WDFY4: variants seen among roughly 807,000 people sequenced by gnomAD.
WDFY4 encodes the protein WDFY family member 4, also known as WD repeat- and FYVE domain-containing protein 4.
WDFY4 carries 169 observed loss-of-function variants against 351.9 expected under a neutral mutation model. The observed-to-expected ratio is 0.48, with a 90% confidence interval of 0.42 to 0.55. The LOEUF (loss-of-function observed/expected upper bound fraction) is 0.55, where lower values mean the gene tolerates loss of function less well. WDFY4 is among the 20% of genes least tolerant of loss of function. WDFY4 has a pLI of 0.00. For synonymous variants in WDFY4, 1,622 were observed against 1,574.6 expected (o/e 1.03, Z -0.71); for missense variants, 3,803 against 3,935.6 (o/e 0.97, Z 0.90).
chr10:48,926,252 A>G (rs537041733), intron 47 of WDFY4, among the ~76,000 whole-genome samples: 4 of 152,328 alleles, frequency 2.6e-5, no homozygotes, highest in African/African-American at 7.2e-5. Flanking sequence ...TAGCCCCTCC[A>G]TGGCCCCAGG....
At position 48,803,271 on chromosome 10, in the gene WDFY4, TG is replaced by T. The variant is rs1401401727; in HGVS notation, c.4411-14del. On this transcript the variant is annotated splice_polypyrimidine_tract_variant and intron_variant, in intron 24 of 61. Transcript: ENST00000325239. ...CACACCTTCATTTTAGCATGTGTTT[TG>T]TTTTGTCTTCCAGCTCTGGATGAAT... 2 of 1,551,724 alleles carry T rather than the reference TG, an allele frequency of 1.3e-6. No individual in the cohort carries two copies. Among genetic ancestry groups the T allele is most frequent in the Non-Finnish European group, 1.7e-6 (2 of 1,146,904 alleles).
Position 48,780,049 on chromosome 10 carries a change from T to C in WDFY4, c.3506T>C (p.Val1169Ala). 1.3e-6 allele frequency: 2 copies of C among 1,551,940 alleles called. No individual in the cohort carries two copies. Among genetic ancestry groups the C allele is most frequent in the Non-Finnish European group, 1.7e-6 (2 of 1,147,056 alleles). ...CAGTGGCATCACTTGGCTGTGGTTG[T>C]CACTAAGGAAATGAAAAGGCATTGT... The part of the protein sequence containing the change: ...CGQWHHLAVV[V>A]TKEMKRHCTV... The change falls in exon 19 of 62, where the codon GTC becomes GCC. Residue 1169 changes from valine to alanine, a missense_variant. Around this residue, in one of 3 missense-constraint regions of WDFY4, gnomAD observed 3,054 missense variants for 3,148.6 expected, o/e 0.97. Transcript: ENST00000325239.
At chr10:48,864,630 G>A (rs2069476450) in intron 39 of WDFY4, among the ~76,000 whole-genome samples, 1 of 152,110 alleles carries the variant, frequency 6.6e-6, no homozygotes, top group Non-Finnish European at 1.5e-5. Context: ...AGTGATCATT[G>A]GAATTTGATA....
rs756815738 is a variant in WDFY4, at chr10:48,720,137, G to A, written c.349+12G>A. On this transcript the variant is annotated intron_variant, in intron 3 of 61. Transcript: ENST00000325239. Reference sequence around the variant, plus strand: ...GGGGAAGCCTGCGGGTAAGAGCATGGAGGTGCTGGCAGACCCTCTACAGAG... The same window carrying A: ...GGGGAAGCCTGCGGGTAAGAGCATGAAGGTGCTGGCAGACCCTCTACAGAG... The A allele has an allele frequency of 6.4e-7, 1 of 1,551,214 alleles. No homozygotes were observed. Among genetic ancestry groups the A allele is most frequent in the South Asian group, 1.2e-5 (1 of 84,040 alleles).
intron 39 of WDFY4, among the ~76,000 whole-genome samples, chr10:48,851,179 C>G (rs541564550): frequency 2.0e-5 from 3 of 152,278 alleles, no homozygotes; most frequent in East Asian, 3.9e-4. Flanking sequence ...AGTCATCCAT[C>G]TAGGGTCAGG....
chr10:48,887,563 G>A (rs1220067893), intron 43 of WDFY4, among the ~76,000 whole-genome samples: 3 of 152,164 alleles, frequency 2.0e-5, no homozygotes, highest in Non-Finnish European at 4.4e-5. Context: ...CGGATCACGA[G>A]GTCAGGAGAT....
chr10:48,778,122 G>T (rs959598838), intron 17 of WDFY4, among the ~76,000 whole-genome samples: 4 of 152,358 alleles, frequency 2.6e-5, no homozygotes, highest in Non-Finnish European at 4.4e-5. Context: ...TCTGTTAGGA[G>T]AATTGGGTTT....
rs772417803 is a variant in WDFY4 at position 48,969,266 on chromosome 10, A to T, written c.8769+18A>T. ...CCGACAAGGTGAGGGGGCTGCAGGGAGCAGGGGCAGCCTCAGGACCTCAGC... is the reference window on the plus strand; with the variant it reads ...CCGACAAGGTGAGGGGGCTGCAGGGTGCAGGGGCAGCCTCAGGACCTCAGC... On this transcript the variant is annotated intron_variant, in intron 56 of 61. Coordinates refer to ENST00000325239, the MANE Select transcript of WDFY4 (RefSeq NM_001394531.1). 2 of 1,549,808 alleles carry T rather than the reference A, an allele frequency of 1.3e-6. No individual in the cohort carries two copies. The highest frequency in any genetic ancestry group is 1.7e-6 in the Non-Finnish European group (2 of 1,146,580).
chr10:48,940,862 G>A (rs1205855822), intron 47 of WDFY4, among the ~76,000 whole-genome samples: 2 of 152,150 alleles, frequency 1.3e-5, no homozygotes, highest in East Asian at 3.9e-4. Context: ...CCCCAGTATT[G>A]CATTTTGTTA....
At chr10:48,876,675 G>A (rs1230761883) in intron 42 of WDFY4, among the ~76,000 whole-genome samples, 1 of 152,204 alleles carries the variant, frequency 6.6e-6, no homozygotes. Flanking sequence ...TGAATGAAGT[G>A]AAATTCAGAG....
At chr10:48,895,784 G>A (rs540128461) in intron 44 of WDFY4, among the ~76,000 whole-genome samples, 1 of 152,168 alleles carries the variant, frequency 6.6e-6, no homozygotes, top group Non-Finnish European at 1.5e-5. Flanking sequence ...GGGAGGAGGG[G>A]TCACTCTGAG....
intron 39 of WDFY4, among the ~76,000 whole-genome samples, chr10:48,865,039 G>T (rs1019955358): frequency 1.4e-4 from 22 of 151,992 alleles, no homozygotes; most frequent in African/African-American, 5.1e-4. Context: ...TTTCAATTTG[G>T]ATGCCTTTTA....
intron 19 of WDFY4, among the ~76,000 whole-genome samples, chr10:48,783,078 G>A (rs114465098): frequency 8.5e-4 from 129 of 152,268 alleles, no homozygotes; most frequent in African/African-American, 3.1e-3. Context: ...AATTGGTAGA[G>A]TGAAAAAGAA....
intron 39 of WDFY4, among the ~76,000 whole-genome samples, chr10:48,860,876 G>A (rs970118837): frequency 3.3e-5 from 5 of 151,984 alleles, no homozygotes; most frequent in Middle Eastern, 3.2e-3. Context: ...ATTATGTATC[G>A]AGGACACATT....
chr10:48,751,410 C>G (rs1278041399), intron 12 of WDFY4, among the ~76,000 whole-genome samples: 1 of 152,150 alleles, frequency 6.6e-6, no homozygotes, highest in Non-Finnish European at 1.5e-5. Flanking sequence ...GATGGATGGG[C>G]AGAGATGATG....
At chr10:48,764,995 G>A (rs1043718421) in intron 13 of WDFY4, among the ~76,000 whole-genome samples, 15 of 152,208 alleles carry the variant, frequency 9.9e-5, no homozygotes, top group Non-Finnish European at 1.6e-4. Context: ...AGGAAGGAAA[G>A]AGAAGCTCAG....
intron 12 of WDFY4, among the ~76,000 whole-genome samples, chr10:48,743,832 T>C (rs1270456452): frequency 6.6e-6 from 1 of 152,142 alleles, no homozygotes; most frequent in Non-Finnish European, 1.5e-5. Flanking sequence ...CCTTCTCCTT[T>C]GGGATCTTTA....
chr10:48,767,332 C>A (rs1402481885), intron 13 of WDFY4, among the ~76,000 whole-genome samples: 2 of 152,212 alleles, frequency 1.3e-5, no homozygotes, highest in Non-Finnish European at 2.9e-5. Context: ...GCTCCCCACG[C>A]CTGCTCCCTT....
At chr10:48,793,279 T>C (rs74130651) in intron 23 of WDFY4, among the ~76,000 whole-genome samples, 3,186 of 152,298 alleles carry the variant, frequency 0.021, 115 homozygotes, top group African/African-American at 0.074. Context: ...GATACCTCCT[T>C]TGAGTAAAGA....
Sources: gnomAD v4.1 joint callset for allele counts (sites outside exome capture counted in the v4.1 genomes callset) on GRCh38, gnomAD v4.1.1 for gene constraint, gnomAD v4.1.1 regional missense constraint, MANE v1.5 for transcripts, NCBI Gene and HGNC (gene_info 2026-07-23, HGNC 2026-07-21) for gene names.